Variants in FAM228A observed in about 807,000 individuals in gnomAD.
FAM228A encodes protein FAM228A.
FAM228A carries 13 observed loss-of-function variants against 18.6 expected under a neutral mutation model. That is an observed-to-expected ratio of 0.70 (90% CI 0.45 to 1.11). The LOEUF is 1.11. Among genes scored for constraint, FAM228A ranks in the 50% least tolerant of loss-of-function variants. The pLI is 0.00. For synonymous variants in FAM228A, 77 were observed against 86.6 expected (o/e 0.89, Z 0.61); for missense variants, 240 against 242.2 (o/e 0.99, Z 0.06).
intron 5 of FAM228A, 43 bp from the exon 6 acceptor site, chr2:24,190,369 A>T (rs1668051354): frequency 6.5e-7 from 1 of 1,542,104 alleles, no homozygotes; most frequent in African/African-American, 1.4e-5. Flanking sequence ...GTACAATTCC[A>T]TCTGTGCTGA....
At position 24,190,542 on chromosome 2, in the gene FAM228A, A is replaced by G; in HGVS notation, c.532A>G (p.Arg178Gly). ...CAGCCAGAAGAACAAAGTGGGTGAA[A>G]GAAAGGGTCTGGTGAGCAGAGGCCT... ...KLSQKNKVGERKGLVSRGLGR... is the reference protein window; with the variant it reads ...KLSQKNKVGEGKGLVSRGLGR... The change falls in exon 6 of 6, where the codon AGA becomes GGA. Residue 178 changes from arginine (R) to glycine (G), a missense_variant. Transcript: ENST00000295150. 6.2e-7 allele frequency: 1 copy of G among 1,614,104 alleles called. No homozygotes were observed. The highest frequency in any genetic ancestry group is 2.2e-5 in the East Asian group (1 of 44,870).
rs1412305413 is a variant in FAM228A at position 24,179,180 on chromosome 2, TG to T, written c.162+1313del. The T allele has an allele frequency of 4.3e-6, 5 of 1,175,854 alleles. No homozygotes were observed. In the African/African-American group the frequency reaches 8.2e-5, roughly 19 times the overall value. 72.8% of individuals were successfully genotyped at this position (1,175,854 alleles called of 1,614,324 possible). A position where few individuals can be genotyped will look rare whatever the true frequency, so the allele number is the denominator to read the frequency against. ...AAGAAAAGAGATGTTACATAAAAAATGGGTTGAAAATGTTGCAGAGCCTCTT... is the reference window on the plus strand; with the variant it reads ...AAGAAAAGAGATGTTACATAAAAAATGGTTGAAAATGTTGCAGAGCCTCTT... On this transcript the variant is annotated intron_variant, in intron 3 of 5. Coordinates refer to ENST00000295150, the MANE Select transcript of FAM228A (RefSeq NM_001040710.3).
intron 5 of FAM228A, among the ~76,000 whole-genome samples, chr2:24,184,710 C>G (rs779811809): frequency 6.6e-6 from 1 of 152,018 alleles, no homozygotes; most frequent in African/African-American, 2.4e-5. Context: ...GAGTCTCGCT[C>G]TGTCGTCCAG....
intron 5 of FAM228A, among the ~76,000 whole-genome samples, chr2:24,189,543 C>T (rs952198567): frequency 1.3e-5 from 2 of 152,152 alleles, no homozygotes; most frequent in Admixed American, 6.5e-5. Flanking sequence ...GCAGGGACTG[C>T]ATCTTACTAT....
intron 5 of FAM228A, among the ~76,000 whole-genome samples, chr2:24,188,098 CCT>C (rs1667995775): frequency 6.6e-6 from 1 of 152,026 alleles, no homozygotes; most frequent in African/African-American, 2.4e-5. Context: ...TCACTGATCC[CCT>C]GTCTCTGATC....
intron 5 of FAM228A, 97 bp downstream of exon 5, chr2:24,183,742 T>C: frequency 1.0e-6 from 1 of 973,200 alleles, no homozygotes; most frequent in South Asian, 1.8e-5. Context: ...TGTCTTTTAG[T>C]AGTTTATAGT....
At position 24,188,378 on chromosome 2, in the gene FAM228A, T is replaced by C; in HGVS notation, c.402-2034T>C. 3.2e-6 allele frequency: 3 copies of C among 951,066 alleles called. No homozygotes were observed. In the South Asian group the frequency reaches 1.5e-4, roughly 46 times the overall value. 58.9% of individuals were successfully genotyped at this position (951,066 alleles called of 1,614,324 possible). On this transcript the variant is annotated intron_variant, in intron 5 of 5. Transcript: ENST00000295150. ...TTAAGCCCAGCATGCATTAGCTATT[T>C]TTCCTAATGCTCTCCCTTCCCCCTC...
At position 24,190,435 on chromosome 2, in the gene FAM228A, A is replaced by G; in HGVS notation, c.425A>G (p.Asp142Gly). 6.2e-7 allele frequency: 1 copy of G among 1,613,540 alleles called. No individual in the cohort carries two copies. The highest frequency in any genetic ancestry group is 8.5e-7 in the Non-Finnish European group (1 of 1,179,878). The change falls in exon 6 of 6, where the codon GAC becomes GGC. Residue 142 changes from aspartate to glycine, a missense_variant. Physicochemically the swap from Asp to Gly is moderately conservative, Grantham distance 94. Transcript: ENST00000295150. The stretch of plus-strand genomic sequence containing the variant: ...AGTCCTGAAAAGCTCATCTATGCAG[A>G]CAAGAAACAGAAAAGAAAAGAGAAA... ...KYSPEKLIYA[D>G]KKQKRKEKKT...
At chr2:24,176,446 G>C (rs1421249047) in intron 2 of FAM228A, among the ~76,000 whole-genome samples, 4 of 151,024 alleles carry the variant, frequency 2.6e-5, no homozygotes, top group African/African-American at 9.9e-5. Context: ...AGACTCCTGG[G>C]CTCAAGTAAT....
At position 24,175,533 on chromosome 2, in the gene FAM228A, T is replaced by A; in HGVS notation, c.53T>A (p.Leu18Ter). Residue 18 changes from leucine (L) to a stop codon, truncating the protein, a stop_gained, in exon 2 of 6, where the codon TTA becomes TAA. Transcript: ENST00000295150. LOFTEE classifies it high-confidence loss of function. The stretch of plus-strand genomic sequence containing the variant: ...GATGAACATTTCAGGCCAGAAAAGT[T>A]AAGAGAATGGCCGGAGCCCGAGTCC... The part of the protein sequence containing the change: ...SYDEHFRPEK[L>*]REWPEPESVS... The A allele has an allele frequency of 6.2e-7, 1 of 1,614,186 alleles. No homozygotes were observed. The highest frequency in any genetic ancestry group is 8.5e-7 in the Non-Finnish European group (1 of 1,179,984).
chr2:24,189,741 A>C (rs1361799593), intron 5 of FAM228A, among the ~76,000 whole-genome samples: 1 of 152,150 alleles, frequency 6.6e-6, no homozygotes, highest in Non-Finnish European at 1.5e-5. Flanking sequence ...TCGTGTGGCT[A>C]TTTGATGAAG....
intron 3 of FAM228A, chr2:24,179,229 TA>T: frequency 1.0e-6 from 1 of 956,708 alleles, no homozygotes; most frequent in South Asian, 1.9e-5. Context: ...ATGGAAAAAG[TA>T]ATTTCATATA....
chr2:24,177,707 T>G, intron 2 of FAM228A, 95 bp from the exon 3 acceptor site: 2 of 698,314 alleles, frequency 2.9e-6, no homozygotes, highest in Non-Finnish European at 4.8e-6. Context: ...AGCCTCAAGA[T>G]TTACACTAAA....
Position 24,178,263 on chromosome 2 carries a change from C to T in FAM228A, c.162+393C>T, listed in dbSNP as rs115200918. On this transcript the variant is annotated intron_variant, in intron 3 of 5. Coordinates refer to ENST00000295150, the MANE Select transcript of FAM228A (RefSeq NM_001040710.3). ...ACCAATCAGTAACTGATAGTCACTA[C>T]GAAATTAGCTTAAGGGGCATTTAAT... 7.2e-3 allele frequency among the ~76,000 whole-genome samples: 1,096 copies of T among 152,198 alleles called. 7 individuals carry two copies. The highest frequency in any genetic ancestry group is 0.025 in the African/African-American group (1,055 of 41,498).
chr2:24,190,346 A>C, intron 5 of FAM228A, 66 bp from the exon 6 acceptor site: 1 of 1,480,816 alleles, frequency 6.8e-7, no homozygotes. Flanking sequence ...TAATCTTCGG[A>C]AACTATTTGA....
intron 2 of FAM228A, chr2:24,175,808 G>T (rs2151039161): frequency 2.0e-6 from 2 of 1,007,124 alleles, no homozygotes; most frequent in Non-Finnish European, 2.7e-6. Flanking sequence ...GCGGGTGAAG[G>T]CAGCCACCCC....
intron 5 of FAM228A, among the ~76,000 whole-genome samples, chr2:24,184,171 G>A (rs996327237): frequency 6.6e-6 from 1 of 152,132 alleles, no homozygotes; most frequent in African/African-American, 2.4e-5. Flanking sequence ...CCTGAGGTCA[G>A]GAGTTTGAGA....
intron 5 of FAM228A, among the ~76,000 whole-genome samples, chr2:24,187,224 TG>T (rs1298993413): frequency 2.0e-5 from 3 of 152,252 alleles, no homozygotes; most frequent in Non-Finnish European, 4.4e-5. Context: ...AATGTGCATC[TG>T]CTCATGAAAA....
rs1558406129 is a variant in FAM228A, at chr2:24,190,424, C to G, written c.414C>G (p.Leu138=). 1 of 1,611,038 alleles carries G rather than the reference C, an allele frequency of 6.2e-7. No individual in the cohort carries two copies. The highest frequency in any genetic ancestry group is 8.5e-7 in the Non-Finnish European group (1 of 1,179,176). Residue 138 remains leucine (L), a synonymous_variant, in exon 6 of 6, where the codon CTC becomes CTG. Coordinates refer to ENST00000295150, the MANE Select transcript of FAM228A (RefSeq NM_001040710.3). ...SKTYKYSPEK[L]IYADKKQKRK... The stretch of plus-strand genomic sequence containing the variant: ...CTTTTCTTCACAGTCCTGAAAAGCT[C>G]ATCTATGCAGACAAGAAACAGAAAA...
Sources: allele counts gnomAD v4.1 joint callset (sites outside exome capture counted in the v4.1 genomes callset), GRCh38; gene constraint gnomAD v4.1.1; transcripts MANE v1.5; gene names NCBI Gene and HGNC (gene_info 2026-07-23, HGNC 2026-07-21).